The following PLXDC2 variants were observed in gnomAD, a reference collection of about 807,000 sequenced individuals.
The protein encoded by PLXDC2 is plexin domain-containing protein 2.
In PLXDC2, 40 loss-of-function variants were observed where a neutral mutation model predicts 68.9. The observed-to-expected ratio is 0.58, with a 90% CI of 0.45 to 0.76. The LOEUF (loss-of-function observed/expected upper bound fraction) is 0.76. PLXDC2 is among the 30% of genes least tolerant of loss of function. The pLI is 0.00. For synonymous variants in PLXDC2, 243 were observed against 234.2 expected (o/e 1.04, Z -0.34); for missense variants, 644 against 661.9 (o/e 0.97, Z 0.30).
intron 1 of PLXDC2, among the ~76,000 whole-genome samples, chr10:19,883,162 C>G (rs575986909): frequency 6.6e-6 from 1 of 152,034 alleles, no homozygotes; most frequent in Non-Finnish European, 1.5e-5. Context: ...TGGGGTTTCA[C>G]TGTGTTAGCC....
At chr10:19,860,507 A>G (rs1229573922) in intron 1 of PLXDC2, among the ~76,000 whole-genome samples, 1 of 152,170 alleles carries the variant, frequency 6.6e-6, no homozygotes, top group Non-Finnish European at 1.5e-5. Flanking sequence ...CTGTTTTGGA[A>G]AATAGTTTTG....
chr10:20,269,773 T>C (rs1342385554), intron 13 of PLXDC2, among the ~76,000 whole-genome samples: 2 of 152,002 alleles, frequency 1.3e-5, no homozygotes, highest in Non-Finnish European at 2.9e-5. Flanking sequence ...ATCCCAACAC[T>C]TTGGGAGGCA....
chr10:20,172,471 C>T (rs563361596), intron 7 of PLXDC2, among the ~76,000 whole-genome samples: 2 of 152,270 alleles, frequency 1.3e-5, no homozygotes, highest in Admixed American at 1.3e-4. Context: ...TTACGATTCT[C>T]TCTTTATTCC....
At chr10:19,840,559 T>C (rs550697547) in intron 1 of PLXDC2, among the ~76,000 whole-genome samples, 1 of 152,314 alleles carries the variant, frequency 6.6e-6, no homozygotes, top group South Asian at 2.1e-4. Context: ...GTACATTGAA[T>C]AGTAAGCTTT....
At chr10:19,901,705 T>C (rs1838163623) in intron 1 of PLXDC2, among the ~76,000 whole-genome samples, 1 of 152,114 alleles carries the variant, frequency 6.6e-6, no homozygotes, top group Non-Finnish European at 1.5e-5. Flanking sequence ...ATTTATTTTG[T>C]TTTTGTTGCA....
chr10:20,238,886 G>A (rs1012282344), intron 12 of PLXDC2, among the ~76,000 whole-genome samples: 2 of 151,172 alleles, frequency 1.3e-5, no homozygotes, highest in African/African-American at 4.9e-5. Flanking sequence ...GTGTTGAAAA[G>A]CAATGACACT....
At chr10:20,008,068 G>A (rs932284935) in intron 2 of PLXDC2, among the ~76,000 whole-genome samples, 3 of 152,064 alleles carry the variant, frequency 2.0e-5, no homozygotes, top group Non-Finnish European at 4.4e-5. Context: ...TTTGATCTTC[G>A]GCTATCACAC....
chr10:19,862,819 C>T (rs561338565), intron 1 of PLXDC2, among the ~76,000 whole-genome samples: 2 of 152,232 alleles, frequency 1.3e-5, no homozygotes, highest in Admixed American at 6.5e-5. Flanking sequence ...TGTTTCTTTT[C>T]ATTGCCGTGA....
chr10:20,069,373 T>A (rs968795418), intron 4 of PLXDC2, among the ~76,000 whole-genome samples: 1 of 152,142 alleles, frequency 6.6e-6, no homozygotes, highest in Non-Finnish European at 1.5e-5. Context: ...ATACAAATGA[T>A]GAAATATGCC....
rs550870278 is a variant in PLXDC2, at chr10:20,004,149, G to A, written c.324+2163G>A. Among the ~76,000 whole-genome samples, 6 of 152,338 alleles carry A rather than the reference G, an allele frequency of 3.9e-5. No individual in the cohort carries two copies. The South Asian group carries it at 8.3e-4, about 21-fold the overall frequency. On this transcript the variant is annotated intron_variant, in intron 2 of 13. Coordinates refer to ENST00000377252, the MANE Select transcript of PLXDC2 (RefSeq NM_032812.9). ...GCAAATAGTATCAAGGCATCATTTTGTTCCCTCACAGTGAGAGAAATCTTC... is the reference window on the plus strand; with the variant it reads ...GCAAATAGTATCAAGGCATCATTTTATTCCCTCACAGTGAGAGAAATCTTC...
At chr10:20,279,299 T>G (rs1836050231) in intron 13 of PLXDC2, among the ~76,000 whole-genome samples, 1 of 152,208 alleles carries the variant, frequency 6.6e-6, no homozygotes, top group African/African-American at 2.4e-5. Context: ...ATGAACAAAA[T>G]GAAGTGATAT....
intron 1 of PLXDC2, among the ~76,000 whole-genome samples, chr10:19,990,223 C>A (rs1393741922): frequency 6.6e-6 from 1 of 151,956 alleles, no homozygotes; most frequent in Non-Finnish European, 1.5e-5. Context: ...GTACTTTGTC[C>A]TGAGCATTAG....
chr10:19,871,482 A>G (rs537853429), intron 1 of PLXDC2, among the ~76,000 whole-genome samples: 2 of 152,256 alleles, frequency 1.3e-5, no homozygotes, highest in East Asian at 3.9e-4. Flanking sequence ...TCCAAATATA[A>G]TCTTATCAGT....
chr10:20,033,047 G>A, intron 2 of PLXDC2, among the ~76,000 whole-genome samples: 1 of 126,402 alleles, frequency 7.9e-6, no homozygotes, highest in Non-Finnish European at 1.6e-5. Flanking sequence ...GTGGGGGGAG[G>A]GGGAAGGGAT....
intron 2 of PLXDC2, among the ~76,000 whole-genome samples, chr10:20,018,144 C>T (rs374703903): frequency 6.6e-6 from 1 of 152,182 alleles, no homozygotes; most frequent in African/African-American, 2.4e-5. Context: ...TCTACAGGGC[C>T]ATCTCTCCAG....
At chr10:20,099,636 TAA>T (rs985389765) in intron 4 of PLXDC2, among the ~76,000 whole-genome samples, 2 of 152,130 alleles carry the variant, frequency 1.3e-5, no homozygotes, top group Non-Finnish European at 2.9e-5. Flanking sequence ...AAACAAGTGC[TAA>T]ATTGTGTGAG....
At chr10:19,862,253 G>A (rs554399981) in intron 1 of PLXDC2, among the ~76,000 whole-genome samples, 3 of 152,230 alleles carry the variant, frequency 2.0e-5, no homozygotes, top group Non-Finnish European at 4.4e-5. Flanking sequence ...AAAAGCTTAT[G>A]GTTCTTGTGA....
intron 9 of PLXDC2, among the ~76,000 whole-genome samples, chr10:20,204,047 G>A (rs1468629063): frequency 6.6e-6 from 1 of 152,068 alleles, no homozygotes; most frequent in African/African-American, 2.4e-5. Context: ...CATTCCCAGA[G>A]CAGTATATAA....
At chr10:20,031,966 T>C (rs1835507824) in intron 2 of PLXDC2, among the ~76,000 whole-genome samples, 1 of 152,012 alleles carries the variant, frequency 6.6e-6, no homozygotes, top group Admixed American at 6.6e-5. Context: ...ATTTCAGGTG[T>C]GTGCTACCAC....
Sources: allele counts gnomAD v4.1 joint callset (sites outside exome capture counted in the v4.1 genomes callset), GRCh38; gene constraint gnomAD v4.1.1; transcripts MANE v1.5; gene names NCBI Gene and HGNC (gene_info 2026-07-23, HGNC 2026-07-21).